Variants in SGK1 observed in about 807,000 individuals in gnomAD.
SGK1 encodes the protein serum/glucocorticoid regulated kinase 1.
SGK1 carries 26 observed loss-of-function variants against 64.2 expected under a neutral mutation model. The ratio of observed to expected loss-of-function variants is 0.40; its 90% confidence interval spans 0.30 to 0.56. SGK1 has a LOEUF of 0.56. SGK1 is among the 20% of genes least tolerant of loss of function. The probability of loss-of-function intolerance (pLI) is 0.38; values close to 1 mark genes in which losing one functional copy is unlikely to be tolerated. For synonymous variants in SGK1, 265 were observed against 239.7 expected (o/e 1.11, Z -0.98); for missense variants, 519 against 645.6 (o/e 0.80, Z 2.12).
At position 134,255,574 on chromosome 6, in the gene SGK1, A is replaced by ATTT. The variant is rs11318242; in HGVS notation, c.285+6356_285+6358dup. Among the ~76,000 whole-genome samples, 171 of 78,842 alleles carry ATTT rather than the reference A, an allele frequency of 2.2e-3. 2 individuals are homozygous for ATTT. The highest frequency in any genetic ancestry group is 3.9e-3 in the East Asian group (10 of 2,590). The allele number at this position is 78,842 out of a possible 152,430, so 51.7% of individuals were successfully genotyped here. A position where few individuals can be genotyped will look rare whatever the true frequency, so the allele number is the denominator to read the frequency against. ...AAACAAACAAAGGCAAGAGATTTTG[A>ATTT]TTTTTTTTTTTTTTTTTTTTTTTTG... On this transcript the variant is annotated intron_variant, in intron 2 of 13. Transcript: ENST00000367858.
chr6:134,178,875 A>G (rs1330960637), intron 3 of SGK1, among the ~76,000 whole-genome samples: 2 of 151,696 alleles, frequency 1.3e-5, no homozygotes, highest in African/African-American at 4.9e-5. Flanking sequence ...TGCAGTCAAA[A>G]CCCTCAAGTA....
At chr6:134,226,026 C>T (rs769628091) in intron 2 of SGK1, among the ~76,000 whole-genome samples, 2 of 151,940 alleles carry the variant, frequency 1.3e-5, no homozygotes, top group Non-Finnish European at 2.9e-5. Flanking sequence ...GAGGATCAAT[C>T]ACCTAAGCCC....
intron 3 of SGK1, among the ~76,000 whole-genome samples, chr6:134,206,051 T>C (rs1396005832): frequency 1.3e-5 from 2 of 152,146 alleles, no homozygotes; most frequent in African/African-American, 2.4e-5. Context: ...TTTCTAATCA[T>C]ATAACCTGAA....
intron 1 of SGK1, among the ~76,000 whole-genome samples, chr6:134,308,713 C>T (rs1357438095): frequency 1.3e-5 from 2 of 152,078 alleles, no homozygotes; most frequent in African/African-American, 4.8e-5. Context: ...CACGCCACCA[C>T]ACCCTGCTAA....
intron 1 of SGK1, among the ~76,000 whole-genome samples, chr6:134,273,838 A>G (rs1288733097): frequency 6.6e-6 from 1 of 151,730 alleles, no homozygotes; most frequent in Non-Finnish European, 1.5e-5. Flanking sequence ...TTTACTTACT[A>G]TTTAGGGATG....
intron 2 of SGK1, among the ~76,000 whole-genome samples, chr6:134,238,403 T>A (rs1396303436): frequency 6.6e-6 from 1 of 152,218 alleles, no homozygotes; most frequent in Non-Finnish European, 1.5e-5. Context: ...TTTTCAGCAT[T>A]AATTACAGTA....
At chr6:134,265,598 C>T (rs1010938733) in intron 1 of SGK1, among the ~76,000 whole-genome samples, 4 of 142,006 alleles carry the variant, frequency 2.8e-5, no homozygotes, top group Non-Finnish European at 4.5e-5. Flanking sequence ...TATACATATA[C>T]ATATATATTT....
chr6:134,242,480 C>T (rs1052861423), intron 2 of SGK1, among the ~76,000 whole-genome samples: 2 of 149,132 alleles, frequency 1.3e-5, no homozygotes, highest in South Asian at 2.1e-4. Context: ...AGTGAGACTC[C>T]GTCTCAAAAA....
chr6:134,232,443 G>GAAAGAAAGAAAGAA (rs1776299753), intron 2 of SGK1, among the ~76,000 whole-genome samples: 1 of 32,016 alleles, frequency 3.1e-5, no homozygotes, highest in Non-Finnish European at 6.9e-5. Flanking sequence ...AAGAAAGAAA[G>GAAAGAAAGAAAGAA]AAAGAAAGAA....
chr6:134,174,636 G>A, intron 3 of SGK1, 50 bp from the exon 4 acceptor site: 1 of 1,602,512 alleles, frequency 6.2e-7, no homozygotes, highest in East Asian at 2.2e-5. Context: ...GCTTCATAAC[G>A]TCCGGCGCCA....
chr6:134,272,112 G>C (rs1323701591), intron 1 of SGK1, among the ~76,000 whole-genome samples: 1 of 138,414 alleles, frequency 7.2e-6, no homozygotes, highest in African/African-American at 2.6e-5. Context: ...AAAGTGCTGG[G>C]ATTACAGGCA....
chr6:134,171,003 G>T lies in SGK1; in HGVS notation c.1323+20C>A. On this transcript the variant is annotated intron_variant, in intron 12 of 13. Coordinates refer to ENST00000367858, the MANE Select transcript of SGK1 (RefSeq NM_001143676.3). ...GTGCACGTCCCGGCCGGCCCAGGAG[G>T]ACAGGAAAACATCACTCACGAAGTC... 6.2e-7 allele frequency: 1 copy of T among 1,613,904 alleles called. No homozygotes were observed. The highest frequency in any genetic ancestry group is 8.5e-7 in the Non-Finnish European group (1 of 1,179,822).
intron 3 of SGK1, among the ~76,000 whole-genome samples, chr6:134,199,673 T>A (rs530021005): frequency 1.5e-3 from 213 of 142,938 alleles, no homozygotes; most frequent in African/African-American, 4.1e-3. Flanking sequence ...GAAAAAAATA[T>A]ATATATATAT....
At chr6:134,297,194 A>G (rs1445348422) in intron 1 of SGK1, 10 of 781,392 alleles carry the variant, frequency 1.3e-5, no homozygotes, top group Non-Finnish European at 2.0e-5. Context: ...TCGTATGGAT[A>G]CTCACATTCT....
chr6:134,298,838 T>C (rs567021801), intron 1 of SGK1: 116 of 246,928 alleles, frequency 4.7e-4, no homozygotes, highest in African/African-American at 2.6e-3. Context: ...TCTCTCTCCG[T>C]CGCCCAGGCT....
In SGK1 at chr6:134,215,130, CTTTCTTTT is replaced by C. The variant is rs1775957259; in HGVS notation, c.286-7707_286-7700del. 4 of 344,062 alleles carry C rather than the reference CTTTCTTTT, an allele frequency of 1.2e-5. No individual in the cohort carries two copies. In the Admixed American group the frequency reaches 1.5e-4, roughly 13 times the overall value. The allele number at this position is 344,062 out of a possible 1,614,324, so 21.3% of individuals were successfully genotyped here. A position where few individuals can be genotyped will look rare whatever the true frequency, so the allele number is the denominator to read the frequency against. ...ACATGAGAGTAAGTTTTCTTTCTTT[CTTTCTTTT>C]TTTTTTTTTGAGAGAGCTTTGTTGC... is the stretch of plus-strand genomic sequence containing the variant. On this transcript the variant is annotated intron_variant, in intron 2 of 13. Transcript: ENST00000367858.
intron 2 of SGK1, among the ~76,000 whole-genome samples, chr6:134,208,896 G>GTGTATA (rs140253811): frequency 2.0e-3 from 302 of 147,444 alleles, no homozygotes; most frequent in Non-Finnish European, 3.6e-3. Flanking sequence ...GTATGTGTGT[G>GTGTATA]TATATATATA....
chr6:134,316,747 A>C (rs1222622855), intron 1 of SGK1, among the ~76,000 whole-genome samples: 138 of 89,938 alleles, frequency 1.5e-3, no homozygotes, highest in African/African-American at 6.0e-3. Context: ...CTCTCCCAAA[A>C]AAAAAAAAAA....
chr6:134,216,042 A>G (rs1484307880), intron 2 of SGK1, among the ~76,000 whole-genome samples: 1 of 152,180 alleles, frequency 6.6e-6, no homozygotes, highest in Non-Finnish European at 1.5e-5. Flanking sequence ...ACATTTCTTC[A>G]ACAAAATAAA....
Sources: allele counts gnomAD v4.1 joint callset (sites outside exome capture counted in the v4.1 genomes callset), GRCh38; gene constraint gnomAD v4.1.1; transcripts MANE v1.5; gene names NCBI Gene and HGNC (gene_info 2026-07-23, HGNC 2026-07-21).